The following PIP4K2A variants were observed in gnomAD, a reference collection of about 807,000 sequenced individuals.
PIP4K2A encodes the protein phosphatidylinositol-5-phosphate 4-kinase type 2 alpha, also known as phosphatidylinositol 5-phosphate 4-kinase type-2 alpha.
Under a neutral mutation model 42.9 loss-of-function variants are expected in PIP4K2A, and 14 were observed. The observed-to-expected ratio is 0.33, with a 90% CI of 0.22 to 0.51. PIP4K2A has a LOEUF of 0.51. Ranked by LOEUF, PIP4K2A falls within the 20% of genes least tolerant of loss-of-function variation. The pLI is 0.97. For missense variants in PIP4K2A, 434 were observed against 519.8 expected (o/e 0.83, Z 1.61); for synonymous variants, 192 against 192.2 (o/e 1.00, Z 0.01).
intron 1 of PIP4K2A, 51 bp downstream of exon 1, chr10:22,714,132 G>A (rs1307310416): frequency 1.3e-6 from 2 of 1,539,184 alleles, no homozygotes; most frequent in South Asian, 2.4e-5. Context: ...GGGGAACGAG[G>A]AGGAAGAGGA....
chr10:22,588,974 T>A (rs1028688070), intron 4 of PIP4K2A, among the ~76,000 whole-genome samples: 3 of 152,352 alleles, frequency 2.0e-5, no homozygotes, highest in Middle Eastern at 6.8e-3. Context: ...GATCCCACAC[T>A]TATTTTATGT....
At chr10:22,689,487 G>T (rs925691375) in intron 1 of PIP4K2A, among the ~76,000 whole-genome samples, 3 of 152,050 alleles carry the variant, frequency 2.0e-5, no homozygotes, top group African/African-American at 7.2e-5. Flanking sequence ...ACACAGTATG[G>T]CAACTATGTA....
intron 7 of PIP4K2A, 73 bp from the exon 8 acceptor site, chr10:22,542,120 C>T (rs994111056): frequency 1.7e-5 from 23 of 1,377,014 alleles, no homozygotes; most frequent in East Asian, 2.3e-5. Context: ...GAGACAAGCT[C>T]GGGTGACACC....
rs1434507014 is a variant in PIP4K2A, at chr10:22,556,986, G to A, written c.679-6214C>T. 9.2e-5 allele frequency among the ~76,000 whole-genome samples: 14 copies of A among 152,216 alleles called. 2 individuals carry two copies. Among genetic ancestry groups the A allele is most frequent in the South Asian group, 4.1e-4 (2 of 4,820 alleles). On this transcript the variant is annotated intron_variant, in intron 6 of 9. Coordinates refer to ENST00000376573, the MANE Select transcript of PIP4K2A (RefSeq NM_005028.5). ...TCATTAAGACACAACATGAATGTGC[G>A]AAGTGAGATGCACACTCAGCTGAGT...
chr10:22,599,395 A>G (rs1303649624), intron 3 of PIP4K2A, among the ~76,000 whole-genome samples: 1 of 152,150 alleles, frequency 6.6e-6, no homozygotes, highest in African/African-American at 2.4e-5. Flanking sequence ...TTTCATATGG[A>G]TGTAACCATA....
At position 22,535,009 on chromosome 10, in the gene PIP4K2A, C is replaced by T. The variant is rs1835884790; in HGVS notation, c.*2192G>A. Reference sequence around the variant, plus strand: ...AGTGCTTTATTTGTAAAGCCCGGCTCATGACTGGAGTGTATTGTTAGCACT... The same window carrying T: ...AGTGCTTTATTTGTAAAGCCCGGCTTATGACTGGAGTGTATTGTTAGCACT... On this transcript the variant is annotated 3_prime_UTR_variant, in exon 10 of 10. Coordinates refer to ENST00000376573, the MANE Select transcript of PIP4K2A (RefSeq NM_005028.5). 1 of 152,218 alleles carries T rather than the reference C, an allele frequency of 6.6e-6. No individual in the cohort carries two copies. Among genetic ancestry groups the T allele is most frequent in the Admixed American group, 6.5e-5 (1 of 15,286 alleles). 9.4% of individuals were successfully genotyped at this position (152,218 alleles called of 1,614,324 possible).
At position 22,537,190 on chromosome 10, in the gene PIP4K2A, T is replaced by C. The variant is rs780341100; in HGVS notation, c.*11A>G. The C allele has an allele frequency of 1.0e-5, 16 of 1,593,696 alleles. No individual in the cohort carries two copies. Among genetic ancestry groups the C allele is most frequent in the Non-Finnish European group, 1.3e-5 (15 of 1,166,702 alleles). ...TCCAATGTTCATGTCTGTCCGAGGC[T>C]GCGCAGGAGGTTACGTCAAGATGTG... On this transcript the variant is annotated 3_prime_UTR_variant, in exon 10 of 10. Transcript: ENST00000376573.
chr10:22,621,549 G>A (rs915905728), intron 1 of PIP4K2A, among the ~76,000 whole-genome samples: 2 of 152,226 alleles, frequency 1.3e-5, no homozygotes, highest in African/African-American at 4.8e-5. Flanking sequence ...ATGATACCAA[G>A]CTGGCCAGAA....
chr10:22,619,439 C>CTTTTT (rs746519034), intron 1 of PIP4K2A, among the ~76,000 whole-genome samples: 43 of 137,492 alleles, frequency 3.1e-4, no homozygotes, highest in African/African-American at 1.2e-3. Flanking sequence ...TTTCTTTTTT[C>CTTTTT]TTTTTTTTTT....
chr10:22,598,640 T>A lies in PIP4K2A; in HGVS notation c.340-6859A>T, dbSNP rs1837683970. On this transcript the variant is annotated intron_variant, in intron 3 of 9. Coordinates refer to ENST00000376573, the MANE Select transcript of PIP4K2A (RefSeq NM_005028.5). ...AAGCAGCCTCAGAGTGTCAGGGTGATCCATCTCAACAGCAATGGGCTGAAG... is the reference window on the plus strand; with the variant it reads ...AAGCAGCCTCAGAGTGTCAGGGTGAACCATCTCAACAGCAATGGGCTGAAG... Among the ~76,000 whole-genome samples, 3 of 152,260 alleles carry A rather than the reference T, an allele frequency of 2.0e-5. No homozygotes were observed. In the South Asian group the frequency reaches 6.2e-4, roughly 32 times the overall value.
intron 6 of PIP4K2A, among the ~76,000 whole-genome samples, chr10:22,559,316 A>G (rs1836628527): frequency 2.0e-5 from 3 of 152,232 alleles, no homozygotes; most frequent in Admixed American, 2.0e-4. Context: ...ACGAGTTGTT[A>G]GCGTGAAAAC....
chr10:22,644,504 G>T (rs764019059), intron 1 of PIP4K2A, among the ~76,000 whole-genome samples: 1 of 152,066 alleles, frequency 6.6e-6, no homozygotes, highest in Non-Finnish European at 1.5e-5. Context: ...TGCCTGGTTT[G>T]CCCATGGCTA....
At chr10:22,613,925 G>A (rs1481466081) in intron 1 of PIP4K2A, among the ~76,000 whole-genome samples, 4 of 152,202 alleles carry the variant, frequency 2.6e-5, no homozygotes, top group African/African-American at 7.2e-5. Flanking sequence ...ATCCCTGACT[G>A]TAAGGAGTTT....
At chr10:22,683,079 AC>A (rs144540731) in intron 1 of PIP4K2A, among the ~76,000 whole-genome samples, 11,650 of 151,272 alleles carry the variant, frequency 0.077, 1,175 homozygotes, top group African/African-American at 0.24. Context: ...AACAACAACA[AC>A]AACAACAAAA....
intron 1 of PIP4K2A, among the ~76,000 whole-genome samples, chr10:22,676,748 A>G (rs2130870467): frequency 6.6e-6 from 1 of 152,338 alleles, no homozygotes; most frequent in East Asian, 1.9e-4. Context: ...CTGAGGATAC[A>G]GAGCTGAATG....
chr10:22,591,256 G>A (rs1410598494), intron 4 of PIP4K2A, among the ~76,000 whole-genome samples: 4 of 152,216 alleles, frequency 2.6e-5, no homozygotes, highest in Non-Finnish European at 5.9e-5. Context: ...AATAGGATTC[G>A]GAGGTGTAAA....
rs566457049 is a variant in PIP4K2A at position 22,657,338 on chromosome 10, A to G, written c.145-47621T>C. 1.6e-4 allele frequency among the ~76,000 whole-genome samples: 24 copies of G among 152,334 alleles called. 1 individual carries two copies. The highest frequency in any genetic ancestry group is 1.6e-3 in the Admixed American group (24 of 15,308). ...AACCCCAAAGCACTTAAGATAATGA[A>G]TGACGTTTAGGAACAAAGCACCAGT... On this transcript the variant is annotated intron_variant, in intron 1 of 9. Coordinates refer to ENST00000376573, the MANE Select transcript of PIP4K2A (RefSeq NM_005028.5).
At position 22,569,167 on chromosome 10, in the gene PIP4K2A, C is replaced by T. The variant is rs74453040; in HGVS notation, c.640-1278G>A. 5.0e-3 allele frequency: 3,880 copies of T among 782,568 alleles called. 116 individuals carry two copies. In the African/African-American group the frequency reaches 0.059, roughly 12 times the overall value. 48.5% of individuals were successfully genotyped at this position (782,568 alleles called of 1,614,324 possible). On this transcript the variant is annotated intron_variant, in intron 5 of 9. Transcript: ENST00000376573. The stretch of plus-strand genomic sequence containing the variant: ...GCGGAAACTTGAACGGAAGAGACTC[C>T]TCACATTGGGGAAGGGAGCCAAGAC...
At chr10:22,670,139 G>A (rs1393026044) in intron 1 of PIP4K2A, among the ~76,000 whole-genome samples, 2 of 152,196 alleles carry the variant, frequency 1.3e-5, no homozygotes, top group Admixed American at 6.5e-5. Context: ...AGAACTTTGG[G>A]AGGCCAATGC....
Sources: gnomAD v4.1 joint callset for allele counts (sites outside exome capture counted in the v4.1 genomes callset) on GRCh38, gnomAD v4.1.1 for gene constraint, MANE v1.5 for transcripts, NCBI Gene and HGNC (gene_info 2026-07-23, HGNC 2026-07-21) for gene names.